The following XKR9 variants were observed in gnomAD, a reference collection of about 807,000 sequenced individuals.
XKR9 encodes the protein XK-related protein 9.
XKR9 carries 32 observed loss-of-function variants against 32.0 expected under a neutral mutation model. That is an observed-to-expected ratio of 1.00 (90% confidence interval 0.76 to 1.34). The LOEUF (loss-of-function observed/expected upper bound fraction) is 1.34, where lower values mean the gene tolerates loss of function less well. Among genes scored for constraint, XKR9 ranks in the 40% most tolerant of loss-of-function variants. The pLI is 0.00. For missense variants in XKR9, 546 were observed against 429.7 expected, an observed-to-expected ratio of 1.27 and a Z score of -2.39; for synonymous variants, 168 against 143.4, an observed-to-expected ratio of 1.17 and a Z score of -1.22.
chr8:70,780,719 A>G (rs1423899187), intron 2 of XKR9, among the ~76,000 whole-genome samples: 3 of 152,096 alleles, frequency 2.0e-5, no homozygotes, highest in African/African-American at 7.2e-5. Context: ...ATTTTTGGCA[A>G]TTTATTATGG....
the XKR9 span, among the ~76,000 whole-genome samples, chr8:70,806,418 T>A: frequency 6.6e-6 from 1 of 152,088 alleles, no homozygotes; most frequent in African/African-American, 2.4e-5. Flanking sequence ...GATAATGAGA[T>A]GGACAAATAG....
the XKR9 span, among the ~76,000 whole-genome samples, chr8:71,032,832 C>A: frequency 6.6e-6 from 1 of 152,152 alleles, no homozygotes; most frequent in Non-Finnish European, 1.5e-5. Flanking sequence ...CGCCTGTAAT[C>A]CCAGCACTTT....
chr8:70,863,092 G>A, the XKR9 span, among the ~76,000 whole-genome samples: 18 of 152,118 alleles, frequency 1.2e-4, no homozygotes, highest in Non-Finnish European at 2.2e-4. Flanking sequence ...ACTGTTGAGC[G>A]AGGTAGGAGC....
chr8:70,669,664 AT>A (rs11335556), intron 1 of XKR9, 126 bp downstream of exon 1: 24,532 of 83,348 alleles, frequency 0.29, 2,957 homozygotes, highest in Admixed American at 0.39. Context: ...TAGCCTGTTC[AT>A]TTTTTTTTTT....
intron 3 of XKR9, among the ~76,000 whole-genome samples, chr8:70,687,281 A>G (rs927532384): frequency 6.6e-6 from 1 of 151,176 alleles, no homozygotes; most frequent in African/African-American, 2.4e-5. Flanking sequence ...GTAGTTGCAA[A>G]TGAAAATGAC....
the XKR9 span, among the ~76,000 whole-genome samples, chr8:70,912,901 G>T: frequency 6.6e-6 from 1 of 152,112 alleles, no homozygotes; most frequent in Admixed American, 6.6e-5. Context: ...TAATTAAACA[G>T]CAAAGATCAA....
chr8:70,734,957 G>A lies in XKR9; in HGVS notation c.*533G>A, dbSNP rs1482327592. The A allele has an allele frequency of 1.3e-5, 2 of 152,186 alleles. No individual in the cohort carries two copies. The highest frequency in any genetic ancestry group is 4.8e-5 in the African/African-American group (2 of 41,440). 9.4% of individuals were successfully genotyped at this position (152,186 alleles called of 1,614,324 possible). A position where few individuals can be genotyped will look rare whatever the true frequency, so the allele number is the denominator to read the frequency against. On this transcript the variant is annotated 3_prime_UTR_variant, in exon 5 of 5. Transcript: ENST00000408926. ...TCAGTAAGTGCAAAAGAGAATTGGT[G>A]TGCATCTGAGAGGTCTGACATTTCA...
At chr8:70,940,068 T>C in the XKR9 span, among the ~76,000 whole-genome samples, 1 of 152,068 alleles carries the variant, frequency 6.6e-6, no homozygotes, top group Non-Finnish European at 1.5e-5. Flanking sequence ...TAGAGTGCTC[T>C]AGGTGGGTAA....
At chr8:70,962,799 C>T in the XKR9 span, among the ~76,000 whole-genome samples, 1 of 152,148 alleles carries the variant, frequency 6.6e-6, no homozygotes, top group Non-Finnish European at 1.5e-5. Flanking sequence ...ATTTCTCTGT[C>T]TCTCATTCTT....
At chr8:71,052,999 T>C in the XKR9 span, among the ~76,000 whole-genome samples, 1 of 152,214 alleles carries the variant, frequency 6.6e-6, no homozygotes, top group African/African-American at 2.4e-5. Context: ...AAAGAGATTG[T>C]GGCAAAGATA....
At chr8:70,737,187 C>T (rs1261041081), downstream of XKR9, among the ~76,000 whole-genome samples, 1 of 147,298 alleles carries the variant, frequency 6.8e-6, no homozygotes, top group East Asian at 1.9e-4. Context: ...CCTTCACATC[C>T]CTTGTAAGTT....
the XKR9 span, among the ~76,000 whole-genome samples, chr8:71,024,693 A>T: frequency 6.6e-6 from 1 of 152,042 alleles, no homozygotes; most frequent in African/African-American, 2.4e-5. Context: ...AAGAATGTGG[A>T]CCACAGAAGA....
At chr8:70,992,307 A>AT in the XKR9 span, among the ~76,000 whole-genome samples, 94 of 152,276 alleles carry the variant, frequency 6.2e-4, 1 homozygote, top group South Asian at 0.011. Flanking sequence ...TCAAAAATAA[A>AT]TACAATTTGC....
At chr8:71,063,587 A>G in the XKR9 span, among the ~76,000 whole-genome samples, 1 of 152,060 alleles carries the variant, frequency 6.6e-6, no homozygotes, top group Non-Finnish European at 1.5e-5. Flanking sequence ...GAAAAAAACT[A>G]TTTCTGGCTT....
chr8:70,903,100 T>C, the XKR9 span, among the ~76,000 whole-genome samples: 4 of 150,632 alleles, frequency 2.7e-5, no homozygotes, highest in African/African-American at 7.3e-5. Context: ...CTAAAATTCT[T>C]TTTTTTTTGT....
At chr8:71,050,931 C>T in the XKR9 span, among the ~76,000 whole-genome samples, 2 of 152,050 alleles carry the variant, frequency 1.3e-5, no homozygotes, top group Non-Finnish European at 2.9e-5. Context: ...TATTTAAAAA[C>T]ATGTACTTCT....
the XKR9 span, among the ~76,000 whole-genome samples, chr8:70,868,712 T>C: frequency 6.6e-6 from 1 of 152,200 alleles, no homozygotes; most frequent in Non-Finnish European, 1.5e-5. Context: ...GGATTAACAT[T>C]AGTCTCCTCA....
At chr8:70,970,274 G>A in the XKR9 span, among the ~76,000 whole-genome samples, 1 of 152,108 alleles carries the variant, frequency 6.6e-6, no homozygotes, top group Non-Finnish European at 1.5e-5. Flanking sequence ...GGGATTGCTG[G>A]ATCAAATGGT....
chr8:71,016,852 G>A, the XKR9 span, among the ~76,000 whole-genome samples: 1 of 149,370 alleles, frequency 6.7e-6, no homozygotes, highest in South Asian at 2.1e-4. Context: ...TTTTTTTCTA[G>A]TCATACAACC....
Sources: gnomAD v4.1 joint callset for allele counts (sites outside exome capture counted in the v4.1 genomes callset) on GRCh38, gnomAD v4.1.1 for gene constraint, MANE v1.5 for transcripts, NCBI Gene and HGNC (gene_info 2026-07-23, HGNC 2026-07-21) for gene names.